RARB: variants seen among roughly 807,000 people sequenced by gnomAD.
RARB encodes the protein HBV-activated protein.
In RARB, 17 loss-of-function variants were observed where a neutral mutation model predicts 51.9. The observed-to-expected ratio is 0.33, with a 90% confidence interval of 0.22 to 0.49. The LOEUF (loss-of-function observed/expected upper bound fraction) is 0.49, where lower values mean the gene tolerates loss of function less well. Ranked by LOEUF, RARB falls within the 20% of genes least tolerant of loss-of-function variation. The pLI, the probability that RARB is intolerant of heterozygous loss-of-function variation, is 0.99. For synonymous variants in RARB, 215 were observed against 195.4 expected (o/e 1.10, Z -0.84); for missense variants, 369 against 550.8 (o/e 0.67, Z 3.30).
intron 5 of RARB, among the ~76,000 whole-genome samples, chr3:25,402,387 A>C (rs1163896294): frequency 6.6e-6 from 1 of 152,192 alleles, no homozygotes; most frequent in Non-Finnish European, 1.5e-5. Context: ...TAGGGAGAAC[A>C]GTTTGGAGGT....
intron 2 of RARB, among the ~76,000 whole-genome samples, chr3:25,472,609 A>G (rs1415777439): frequency 2.0e-5 from 3 of 152,196 alleles, no homozygotes; most frequent in South Asian, 2.1e-4. Flanking sequence ...AGCAGATTCT[A>G]CCATCTGTGG....
At chr3:25,200,378 C>A (rs1180381709) in intron 5 of RARB, among the ~76,000 whole-genome samples, 1 of 151,804 alleles carries the variant, frequency 6.6e-6, no homozygotes, top group Non-Finnish European at 1.5e-5. Flanking sequence ...AAAATTTTCT[C>A]CCATTCTGTA....
chr3:24,866,303 C>T (rs1702847686), intron 2 of RARB, among the ~76,000 whole-genome samples: 1 of 152,112 alleles, frequency 6.6e-6, no homozygotes, highest in South Asian at 2.1e-4. Context: ...CTTGTCCAGT[C>T]CTCAAGCCCA....
At chr3:25,395,628 G>A (rs1325839492) in intron 5 of RARB, among the ~76,000 whole-genome samples, 1 of 151,962 alleles carries the variant, frequency 6.6e-6, no homozygotes, top group Non-Finnish European at 1.5e-5. Flanking sequence ...TGTTGGAATG[G>A]GTTAATTTGA....
At chr3:25,117,050 TTAA>T (rs1302370580) in intron 3 of RARB, among the ~76,000 whole-genome samples, 1 of 152,148 alleles carries the variant, frequency 6.6e-6, no homozygotes, top group Non-Finnish European at 1.5e-5. Flanking sequence ...TTCTGATGCT[TTAA>T]TAATAATTTT....
intron 2 of RARB, among the ~76,000 whole-genome samples, chr3:24,962,151 G>T (rs1045162116): frequency 6.6e-6 from 1 of 151,616 alleles, no homozygotes. Flanking sequence ...GGATAGTCTC[G>T]ATCTCCTGAC....
intron 3 of RARB, among the ~76,000 whole-genome samples, chr3:25,554,217 A>G (rs1699959830): frequency 6.7e-6 from 1 of 149,812 alleles, no homozygotes; most frequent in Non-Finnish European, 1.5e-5. Flanking sequence ...GACATCTAGT[A>G]TGTTGCCTGA....
intron 5 of RARB, among the ~76,000 whole-genome samples, chr3:25,232,799 AT>A (rs1055765097): frequency 7.2e-5 from 11 of 152,080 alleles, no homozygotes; most frequent in African/African-American, 1.9e-4. Context: ...CACTTTCAGT[AT>A]GGTATTCAAT....
chr3:25,589,001 C>T (rs1026843270), intron 5 of RARB, among the ~76,000 whole-genome samples: 1 of 152,196 alleles, frequency 6.6e-6, no homozygotes, highest in Non-Finnish European at 1.5e-5. Flanking sequence ...TTAAGCTCCA[C>T]CCCTTAAAGG....
intron 3 of RARB, among the ~76,000 whole-genome samples, chr3:25,064,083 C>G (rs1040811175): frequency 3.3e-5 from 5 of 151,926 alleles, no homozygotes; most frequent in Non-Finnish European, 5.9e-5. Context: ...CCTAGCTTGC[C>G]TTATTGTAAA....
intron 2 of RARB, among the ~76,000 whole-genome samples, chr3:25,469,652 A>T (rs1378659791): frequency 6.6e-6 from 1 of 152,204 alleles, no homozygotes; most frequent in African/African-American, 2.4e-5. Context: ...TTCCTCATTC[A>T]TTCATCAGAC....
chr3:24,964,176 T>C (rs564583316), intron 2 of RARB, among the ~76,000 whole-genome samples: 2 of 152,178 alleles, frequency 1.3e-5, no homozygotes, highest in Non-Finnish European at 2.9e-5. Flanking sequence ...CAGATCTTTT[T>C]TGTGTATAAA....
intron 3 of RARB, among the ~76,000 whole-genome samples, chr3:25,096,090 T>G (rs925074617): frequency 7.2e-5 from 11 of 152,340 alleles, no homozygotes; most frequent in African/African-American, 2.6e-4. Context: ...ATTATAATTT[T>G]AAGTAACTCA....
At chr3:25,584,837 C>T (rs1175819246) in intron 5 of RARB, among the ~76,000 whole-genome samples, 1 of 152,140 alleles carries the variant, frequency 6.6e-6, no homozygotes, top group African/African-American at 2.4e-5. Context: ...GCACTTACCT[C>T]GTGGATGTGA....
intron 1 of RARB, among the ~76,000 whole-genome samples, chr3:24,842,535 T>G (rs1702432111): frequency 1.3e-5 from 2 of 152,226 alleles, no homozygotes; most frequent in Non-Finnish European, 2.9e-5. Flanking sequence ...TCCTTTTCTA[T>G]TTATATTCTT....
chr3:25,103,252 G>A (rs1435016103), intron 3 of RARB, among the ~76,000 whole-genome samples: 1 of 152,112 alleles, frequency 6.6e-6, no homozygotes, highest in Non-Finnish European at 1.5e-5. Context: ...ACAATTTGAG[G>A]AGTTCTGCTA....
intron 2 of RARB, among the ~76,000 whole-genome samples, chr3:24,872,034 C>A (rs1702958304): frequency 6.6e-6 from 1 of 152,116 alleles, no homozygotes; most frequent in African/African-American, 2.4e-5. Context: ...TTCAATATAA[C>A]CTTTTAGTGT....
chr3:25,462,717 T>C lies in RARB; in HGVS notation c.306+1376T>C, dbSNP rs985021535. Among the ~76,000 whole-genome samples the C allele has an allele frequency of 5.9e-5, 9 of 152,346 alleles. 1 individual carries two copies. The highest frequency in any genetic ancestry group is 5.9e-4 in the Admixed American group (9 of 15,308). ...ACCTGGACTTGGCTAGGCTCCACCA[T>C]GTATCTCTGGGCAGTTGTAGGTTAG... is the stretch of plus-strand genomic sequence containing the variant. On this transcript the variant is annotated intron_variant, in intron 2 of 7. Transcript: ENST00000330688.
At chr3:24,885,691 G>A (rs755673588) in intron 2 of RARB, among the ~76,000 whole-genome samples, 2 of 152,112 alleles carry the variant, frequency 1.3e-5, no homozygotes, top group Admixed American at 6.6e-5. Flanking sequence ...TTAGAATTGG[G>A]TAAGACAGAA....
Sources: allele counts gnomAD v4.1 joint callset (sites outside exome capture counted in the v4.1 genomes callset), GRCh38; gene constraint gnomAD v4.1.1; transcripts MANE v1.5; gene names NCBI Gene and HGNC (gene_info 2026-07-23, HGNC 2026-07-21).